GDAP1: variants seen among roughly 807,000 people sequenced by gnomAD.
The protein encoded by GDAP1 is ganglioside-induced differentiation-associated protein 1.
In GDAP1, 34 loss-of-function variants were observed where a neutral mutation model predicts 40.1. The ratio of observed to expected loss-of-function variants is 0.85; its 90% CI spans 0.64 to 1.13. The LOEUF (loss-of-function observed/expected upper bound fraction) is 1.13. Among genes scored for constraint, GDAP1 ranks in the 50% most tolerant of loss-of-function variants. The pLI, the probability that GDAP1 is intolerant of heterozygous loss-of-function variation, is 0.00. For missense variants in GDAP1, 374 were observed against 433.7 expected, an observed-to-expected ratio of 0.86 and a Z score of 1.22; for synonymous variants, 170 against 157.4, an observed-to-expected ratio of 1.08 and a Z score of -0.60.
At chr8:74,360,004 A>C in intron 2 of GDAP1, 133 bp from the exon 3 acceptor site, 1 of 717,950 alleles carries the variant, frequency 1.4e-6, no homozygotes, top group Non-Finnish European at 2.5e-6. Flanking sequence ...GTCTGAGGTG[A>C]GGAGACAGTG....
chr8:74,390,537 AT>A, intron 2 of GDAP1, among the ~76,000 whole-genome samples: 2 of 152,212 alleles, frequency 1.3e-5, no homozygotes, highest in Middle Eastern at 6.8e-3. Flanking sequence ...ATTGCTCCCT[AT>A]TCCTTTTTGT....
chr8:74,420,771 T>G (rs1805846644), intron 2 of GDAP1, among the ~76,000 whole-genome samples: 1 of 152,138 alleles, frequency 6.6e-6, no homozygotes, highest in Non-Finnish European at 1.5e-5. Flanking sequence ...GACCAAAGTG[T>G]GTTCATTGTA....
At chr8:74,459,807 T>C (rs553502607) in intron 2 of GDAP1, among the ~76,000 whole-genome samples, 54 of 152,334 alleles carry the variant, frequency 3.5e-4, no homozygotes, top group Non-Finnish European at 5.9e-4. Context: ...TATGAATAAT[T>C]CTGAAAATGT....
At chr8:74,448,163 A>T (rs965303086) in intron 2 of GDAP1, among the ~76,000 whole-genome samples, 1 of 152,152 alleles carries the variant, frequency 6.6e-6, no homozygotes, top group Non-Finnish European at 1.5e-5. Context: ...TTTCTCAATC[A>T]TTACCTTCCA....
At chr8:74,475,723 T>C (rs1398327756) in intron 2 of GDAP1, among the ~76,000 whole-genome samples, 2 of 152,072 alleles carry the variant, frequency 1.3e-5, no homozygotes, top group African/African-American at 4.8e-5. Flanking sequence ...GATTTTGGTA[T>C]GTACCATGTG....
At chr8:74,383,620 AT>A in intron 2 of GDAP1, among the ~76,000 whole-genome samples, 1 of 152,250 alleles carries the variant, frequency 6.6e-6, no homozygotes, top group Middle Eastern at 3.4e-3. Context: ...TCATTTCCAA[AT>A]CTTTCTTTTC....
downstream of GDAP1, among the ~76,000 whole-genome samples, chr8:74,371,673 G>C (rs940070760): frequency 2.0e-5 from 3 of 151,322 alleles, no homozygotes; most frequent in Admixed American, 2.0e-4. Flanking sequence ...AAAAAAAAAA[G>C]AAAATATTTT....
intron 2 of GDAP1, among the ~76,000 whole-genome samples, chr8:74,446,385 G>A (rs1466579110): frequency 6.6e-6 from 1 of 152,124 alleles, no homozygotes; most frequent in Non-Finnish European, 1.5e-5. Flanking sequence ...AATTTGTAAT[G>A]TAGGAATGCT....
At chr8:74,420,604 A>G (rs192523804) in intron 2 of GDAP1, among the ~76,000 whole-genome samples, 2 of 152,320 alleles carry the variant, frequency 1.3e-5, no homozygotes, top group Admixed American at 1.3e-4. Context: ...TGAATGTGTC[A>G]GATGCTGTGC....
Position 74,432,095 on chromosome 8 carries a change from A to T in GDAP1, c.166-56583A>T, listed in dbSNP as rs113439057. On this transcript the variant is annotated intron_variant, in intron 2 of 2. Transcript: ENST00000523640. ...TTAATATATGAATACTGGAAGATAG[A>T]GGGTCTCTCTCTCCCTCTGAGATCA... Among the ~76,000 whole-genome samples the T allele has an allele frequency of 5.0e-3, 763 of 152,282 alleles. 6 individuals are homozygous for T. The highest frequency in any genetic ancestry group is 0.016 in the African/African-American group (660 of 41,562).
intron 2 of GDAP1, among the ~76,000 whole-genome samples, chr8:74,447,270 C>T (rs1211071413): frequency 7.9e-5 from 12 of 152,014 alleles, no homozygotes; most frequent in East Asian, 7.7e-4. Flanking sequence ...TTCCAGATGC[C>T]GCTATGTCTT....
chr8:74,350,603 G>A, intron 1 of GDAP1, 25 bp downstream of exon 1: 1 of 1,413,056 alleles, frequency 7.1e-7, no homozygotes, highest in Non-Finnish European at 1.0e-6. Context: ...GGCGGCGGAG[G>A]GTGGCGCGGA....
intron 2 of GDAP1, among the ~76,000 whole-genome samples, chr8:74,439,733 G>T (rs565697460): frequency 6.6e-5 from 10 of 151,378 alleles, no homozygotes; most frequent in Admixed American, 6.6e-4. Flanking sequence ...GTTTCAAATT[G>T]TGCCTTTCCC....
At chr8:74,351,196 G>A (rs1018826305) in intron 1 of GDAP1, 78 bp from the exon 2 acceptor site, 2 of 1,159,760 alleles carry the variant, frequency 1.7e-6, no homozygotes, top group Non-Finnish European at 2.6e-6. Context: ...AGCCCAGAAA[G>A]GCTGCTTAGC....
chr8:74,401,158 G>C (rs989743155), intron 2 of GDAP1, among the ~76,000 whole-genome samples: 1 of 149,064 alleles, frequency 6.7e-6, no homozygotes, highest in Admixed American at 6.6e-5. Flanking sequence ...TTTCCAACTT[G>C]GTTCCATTCT....
At chr8:74,422,032 C>G (rs1805863091) in intron 2 of GDAP1, among the ~76,000 whole-genome samples, 1 of 151,996 alleles carries the variant, frequency 6.6e-6, no homozygotes, top group Non-Finnish European at 1.5e-5. Flanking sequence ...AGGGTAGAAT[C>G]CATTTAAGGA....
chr8:74,412,466 C>G (rs1290813243), intron 2 of GDAP1, among the ~76,000 whole-genome samples: 1 of 149,738 alleles, frequency 6.7e-6, no homozygotes, highest in African/African-American at 2.5e-5. Context: ...CAGCAAGTGT[C>G]AATCAAAGAA....
At chr8:74,429,636 T>C (rs942560484) in intron 2 of GDAP1, among the ~76,000 whole-genome samples, 4 of 152,174 alleles carry the variant, frequency 2.6e-5, no homozygotes, top group African/African-American at 9.7e-5. Flanking sequence ...TCTCTTCTTA[T>C]AAGGACACCA....
intron 2 of GDAP1, among the ~76,000 whole-genome samples, chr8:74,446,190 G>A (rs188102445): frequency 6.6e-6 from 1 of 152,166 alleles, no homozygotes; most frequent in Non-Finnish European, 1.5e-5. Context: ...CAATATTCTG[G>A]AGTCTTTTAA....
Sources: gnomAD v4.1 joint callset for allele counts (sites outside exome capture counted in the v4.1 genomes callset) on GRCh38, gnomAD v4.1.1 for gene constraint, MANE v1.5 for transcripts, NCBI Gene and HGNC (gene_info 2026-07-23, HGNC 2026-07-21) for gene names.